MDGA2: variants seen among roughly 807,000 people sequenced by gnomAD.
The protein encoded by MDGA2 is MAM domain containing glycosylphosphatidylinositol anchor 2, also known as MAM domain-containing glycosylphosphatidylinositol anchor protein 2.
In MDGA2, 40 loss-of-function variants were observed where a neutral mutation model predicts 117.8. That is an observed-to-expected ratio of 0.34 (90% CI 0.26 to 0.44). The LOEUF (loss-of-function observed/expected upper bound fraction) is 0.44. MDGA2 is among the 20% of genes least tolerant of loss of function. The pLI, the probability that MDGA2 is intolerant of heterozygous loss-of-function variation, is 1.00. For missense variants in MDGA2, 1,123 were observed against 1,250.6 expected (o/e 0.90, Z 1.54); for synonymous variants, 452 against 439.0 (o/e 1.03, Z -0.37).
intron 1 of MDGA2, among the ~76,000 whole-genome samples, chr14:47,328,609 G>A (rs1373579710): frequency 6.6e-6 from 1 of 152,118 alleles, no homozygotes; most frequent in Non-Finnish European, 1.5e-5. Context: ...AAGTCTGTCT[G>A]AAAGAACTGT....
At chr14:47,117,073 CAAAT>C (rs1881372929) in intron 5 of MDGA2, among the ~76,000 whole-genome samples, 1 of 151,440 alleles carries the variant, frequency 6.6e-6, no homozygotes, top group Non-Finnish European at 1.5e-5. Flanking sequence ...AAACAAACAA[CAAAT>C]AACCTGATTC....
chr14:46,932,085 A>T (rs759270143), intron 9 of MDGA2, among the ~76,000 whole-genome samples: 2 of 152,128 alleles, frequency 1.3e-5, no homozygotes, highest in African/African-American at 2.4e-5. Flanking sequence ...GATGCATTTA[A>T]AGAAAATGCC....
chr14:47,321,399 A>T (rs1889975063), intron 1 of MDGA2, among the ~76,000 whole-genome samples: 1 of 152,232 alleles, frequency 6.6e-6, no homozygotes, highest in Admixed American at 6.5e-5. Flanking sequence ...ATCAAATGAA[A>T]TGTCTTGACT....
Position 46,954,160 on chromosome 14 carries a change from G to A in MDGA2, c.2089+3214C>T, listed in dbSNP as rs147502233. 1.2e-3 allele frequency among the ~76,000 whole-genome samples: 177 copies of A among 152,054 alleles called. 2 individuals carry two copies. Among genetic ancestry groups the A allele is most frequent in the African/African-American group, 4.1e-3 (169 of 41,500 alleles). ...TCCTCATTGACTGCTTCTTGCAGTT[G>A]TAAGCTTATTCCAGTTAGCCCTTTA... On this transcript the variant is annotated intron_variant, in intron 9 of 16. Transcript: ENST00000399232.
chr14:46,985,356 A>C (rs1886822000), intron 8 of MDGA2, among the ~76,000 whole-genome samples: 1 of 152,078 alleles, frequency 6.6e-6, no homozygotes, highest in African/African-American at 2.4e-5. Context: ...AATCCAGCAC[A>C]AGTACTTAAG....
chr14:47,061,761 T>TA (rs1226343433), intron 6 of MDGA2, among the ~76,000 whole-genome samples, 183 bp from the exon 7 acceptor site: 3 of 151,960 alleles, frequency 2.0e-5, no homozygotes, highest in African/African-American at 7.2e-5. Context: ...AGAAATAATC[T>TA]AAAAAAATCT....
At chr14:47,476,201 T>G (rs1315563254) in intron 1 of MDGA2, among the ~76,000 whole-genome samples, 1 of 152,292 alleles carries the variant, frequency 6.6e-6, no homozygotes, top group African/African-American at 2.4e-5. Flanking sequence ...TGAAATCTAG[T>G]GTTGGACATG....
chr14:47,242,648 C>G (rs929290907), intron 2 of MDGA2, among the ~76,000 whole-genome samples: 2 of 151,784 alleles, frequency 1.3e-5, no homozygotes, highest in East Asian at 1.9e-4. Context: ...GCGCTGCGCT[C>G]GATTTCTCGC....
chr14:47,602,356 C>T (rs939247246), intron 1 of MDGA2, among the ~76,000 whole-genome samples: 7 of 151,960 alleles, frequency 4.6e-5, no homozygotes, highest in Admixed American at 6.6e-5. Context: ...TCATGGTGAG[C>T]CAAGAGAAAT....
chr14:47,106,180 G>A (rs1880662984), intron 5 of MDGA2, among the ~76,000 whole-genome samples: 3 of 151,900 alleles, frequency 2.0e-5, no homozygotes, highest in South Asian at 2.1e-4. Flanking sequence ...ACCCTAAAAG[G>A]TCAAAAGGCC....
At chr14:46,986,458 C>T (rs17117882) in intron 8 of MDGA2, among the ~76,000 whole-genome samples, 2,609 of 152,112 alleles carry the variant, frequency 0.017, 68 homozygotes, top group African/African-American at 0.054. Flanking sequence ...AGGCTGACAA[C>T]CTGGGCATCT....
chr14:46,882,439 G>T (rs1470873187), intron 10 of MDGA2, among the ~76,000 whole-genome samples: 1 of 151,228 alleles, frequency 6.6e-6, no homozygotes, highest in African/African-American at 2.4e-5. Flanking sequence ...GTATTTAATA[G>T]ATTTAATATA....
chr14:47,186,023 T>C lies in MDGA2; in HGVS notation c.595+31998A>G, dbSNP rs568500158. On this transcript the variant is annotated intron_variant, in intron 3 of 16. Transcript: ENST00000399232. ...TCAGTAATATGTGTACATATGTTCA[T>C]ACCATCAATACTCATTTAGATAAAA... 9.9e-5 allele frequency among the ~76,000 whole-genome samples: 15 copies of C among 151,698 alleles called. 1 individual carries two copies. In the South Asian group the frequency reaches 3.1e-3, roughly 31 times the overall value.
At chr14:47,403,087 T>C (rs1892188856) in intron 1 of MDGA2, among the ~76,000 whole-genome samples, 1 of 152,176 alleles carries the variant, frequency 6.6e-6, no homozygotes, top group Non-Finnish European at 1.5e-5. Flanking sequence ...CTCTCTAGCG[T>C]CCATGCTGAG....
At chr14:47,111,368 C>T (rs1881026981) in intron 5 of MDGA2, among the ~76,000 whole-genome samples, 1 of 151,062 alleles carries the variant, frequency 6.6e-6, no homozygotes, top group Admixed American at 6.7e-5. Context: ...GATATTTAGG[C>T]CAGGAGAAGA....
chr14:47,466,951 G>T (rs886937084), intron 1 of MDGA2, among the ~76,000 whole-genome samples: 1 of 152,014 alleles, frequency 6.6e-6, no homozygotes, highest in Non-Finnish European at 1.5e-5. Context: ...GAACAAGAAG[G>T]GTAATTGAAT....
chr14:47,116,914 C>A (rs1260634683), intron 5 of MDGA2, among the ~76,000 whole-genome samples: 2 of 143,628 alleles, frequency 1.4e-5, no homozygotes, highest in East Asian at 2.0e-4. Context: ...CAAGTGGGAC[C>A]ACATCAAAAT....
chr14:47,375,842 C>T (rs1891465255), intron 1 of MDGA2, among the ~76,000 whole-genome samples: 1 of 152,076 alleles, frequency 6.6e-6, no homozygotes, highest in South Asian at 2.1e-4. Flanking sequence ...ATGTGTACAA[C>T]ATAAGTAAAG....
At chr14:46,857,393 T>A (rs559383132) in intron 14 of MDGA2, among the ~76,000 whole-genome samples, 15 of 152,282 alleles carry the variant, frequency 9.9e-5, no homozygotes, top group African/African-American at 3.1e-4. Flanking sequence ...CAGGCGGGTT[T>A]TTTTTCCACG....
Sources: gnomAD v4.1 joint callset for allele counts (sites outside exome capture counted in the v4.1 genomes callset) on GRCh38, gnomAD v4.1.1 for gene constraint, MANE v1.5 for transcripts, NCBI Gene and HGNC (gene_info 2026-07-23, HGNC 2026-07-21) for gene names.